The following NLGN1 variants were observed in gnomAD, a reference collection of about 807,000 sequenced individuals.
NLGN1 encodes neuroligin 1, also known as neuroligin-1.
Under a neutral mutation model 65.5 loss-of-function variants are expected in NLGN1, and 12 were observed. The observed-to-expected ratio is 0.18, with a 90% CI of 0.12 to 0.30. The LOEUF (loss-of-function observed/expected upper bound fraction) is 0.30. NLGN1 is among the 10% of genes least tolerant of loss of function. NLGN1 has a pLI of 1.00. For synonymous variants in NLGN1, 350 were observed against 359.5 expected, an observed-to-expected ratio of 0.97 and a Z score of 0.30; for missense variants, 750 against 1,007.1, an observed-to-expected ratio of 0.74 and a Z score of 3.46.
chr3:173,995,965 T>G (rs1204884040), intron 4 of NLGN1, among the ~76,000 whole-genome samples: 5 of 152,180 alleles, frequency 3.3e-5, no homozygotes, highest in Non-Finnish European at 7.3e-5. Flanking sequence ...GGATTATAGG[T>G]GTAAGCCACT....
At chr3:174,024,074 A>G (rs1206726614) in intron 4 of NLGN1, among the ~76,000 whole-genome samples, 1 of 150,626 alleles carries the variant, frequency 6.6e-6, no homozygotes, top group Non-Finnish European at 1.5e-5. Flanking sequence ...GCAAGAATCC[A>G]AACAGAGTAA....
intron 4 of NLGN1, among the ~76,000 whole-genome samples, chr3:174,230,540 A>C (rs1740518780): frequency 6.6e-6 from 1 of 152,222 alleles, no homozygotes; most frequent in East Asian, 1.9e-4. Flanking sequence ...TCAACAATTA[A>C]AAAATGAGAA....
At chr3:173,485,537 C>CTTA (rs1728044066) in intron 2 of NLGN1, among the ~76,000 whole-genome samples, 2 of 152,136 alleles carry the variant, frequency 1.3e-5, no homozygotes, top group African/African-American at 4.8e-5. Flanking sequence ...AGAAAAATTG[C>CTTA]CATGTTTAAA....
intron 4 of NLGN1, among the ~76,000 whole-genome samples, chr3:174,194,713 G>T (rs1577304276): frequency 6.8e-6 from 1 of 146,040 alleles, no homozygotes. Flanking sequence ...TATAGACATA[G>T]ATAGTTACAG....
intron 1 of NLGN1, among the ~76,000 whole-genome samples, chr3:173,415,530 G>C (rs1713509690): frequency 6.6e-6 from 1 of 151,782 alleles, no homozygotes; most frequent in Admixed American, 6.6e-5. Flanking sequence ...TTTTGACTTT[G>C]CCGTATGCTA....
intron 3 of NLGN1, among the ~76,000 whole-genome samples, chr3:173,693,618 G>A (rs1433178471): frequency 6.6e-6 from 1 of 151,854 alleles, no homozygotes; most frequent in African/African-American, 2.4e-5. Flanking sequence ...CCTAAATTTA[G>A]TAGCATGAAT....
intron 4 of NLGN1, among the ~76,000 whole-genome samples, chr3:173,892,575 TAAAAAAAAA>T (rs58100019): frequency 7.6e-6 from 1 of 130,998 alleles, no homozygotes; most frequent in African/African-American, 2.8e-5. Context: ...GAAGGCAAAC[TAAAAAAAAA>T]AAAAAAATGA....
chr3:173,417,954 A>G (rs965621243), intron 1 of NLGN1, among the ~76,000 whole-genome samples: 2 of 151,812 alleles, frequency 1.3e-5, no homozygotes, highest in Non-Finnish European at 2.9e-5. Context: ...ATAATGAGAA[A>G]AAAAACAATT....
At chr3:174,191,363 A>G (rs1732361892) in intron 4 of NLGN1, among the ~76,000 whole-genome samples, 2 of 152,210 alleles carry the variant, frequency 1.3e-5, no homozygotes, top group African/African-American at 2.4e-5. Context: ...ATCAAAGTAC[A>G]GTAGATAATT....
chr3:174,173,308 C>T (rs985447042), intron 4 of NLGN1, among the ~76,000 whole-genome samples: 6 of 151,782 alleles, frequency 4.0e-5, no homozygotes, highest in Non-Finnish European at 5.9e-5. Context: ...ATTTTTTTCT[C>T]TTATCTGATT....
chr3:173,828,065 CA>C (rs1721729463), intron 4 of NLGN1, among the ~76,000 whole-genome samples: 1 of 152,008 alleles, frequency 6.6e-6, no homozygotes, highest in South Asian at 2.1e-4. Flanking sequence ...TGAAATTAAC[CA>C]TTACTCCATA....
chr3:173,958,577 G>A (rs1712724447), intron 4 of NLGN1, among the ~76,000 whole-genome samples: 1 of 152,144 alleles, frequency 6.6e-6, no homozygotes, highest in Non-Finnish European at 1.5e-5. Flanking sequence ...GGGCTTCAGA[G>A]GGGAGGAAGG....
At chr3:173,410,165 G>A (rs1392326959) in intron 1 of NLGN1, among the ~76,000 whole-genome samples, 1 of 152,164 alleles carries the variant, frequency 6.6e-6, no homozygotes, top group Admixed American at 6.5e-5. Context: ...AGTCCTGCTA[G>A]TCTATTTTGA....
intron 2 of NLGN1, among the ~76,000 whole-genome samples, chr3:173,481,277 C>A (rs1337008718): frequency 6.6e-6 from 1 of 151,812 alleles, no homozygotes; most frequent in African/African-American, 2.4e-5. Context: ...TGTTCAATGT[C>A]TCCTATTTTA....
intron 4 of NLGN1, among the ~76,000 whole-genome samples, chr3:174,090,005 G>C (rs1157239573): frequency 6.6e-6 from 1 of 151,588 alleles, no homozygotes; most frequent in Non-Finnish European, 1.5e-5. Flanking sequence ...CTCTTTATCA[G>C]CCAAAAGGCA....
chr3:173,640,861 AAT>A (rs1332421592), intron 3 of NLGN1, among the ~76,000 whole-genome samples: 1 of 152,196 alleles, frequency 6.6e-6, no homozygotes, highest in Non-Finnish European at 1.5e-5. Flanking sequence ...CTTTGGCAAG[AAT>A]ATTACTTAGG....
intron 3 of NLGN1, among the ~76,000 whole-genome samples, chr3:173,624,583 A>G (rs1382021067): frequency 1.3e-5 from 2 of 152,236 alleles, no homozygotes; most frequent in South Asian, 4.2e-4. Context: ...ACAAATTTAA[A>G]TAAATTAGCT....
chr3:174,285,721 T>C (rs1752038941), exon 7 of NLGN1: 1 of 151,490 alleles, frequency 6.6e-6, no homozygotes, highest in Non-Finnish European at 1.5e-5. Context: ...ATAAGGGTTG[T>C]GGAGAATACA....
At chr3:173,630,135 G>A (rs767299989) in intron 3 of NLGN1, among the ~76,000 whole-genome samples, 2 of 152,120 alleles carry the variant, frequency 1.3e-5, no homozygotes, top group Non-Finnish European at 2.9e-5. Flanking sequence ...GTGTAATTGG[G>A]AAAGTAAGCT....
Sources: allele counts gnomAD v4.1 joint callset (sites outside exome capture counted in the v4.1 genomes callset), GRCh38; gene constraint gnomAD v4.1.1; transcripts MANE v1.5; gene names NCBI Gene and HGNC (gene_info 2026-07-23, HGNC 2026-07-21).